The following SEPTIN9 variants were observed in gnomAD, a reference collection of about 807,000 sequenced individuals.
The protein encoded by SEPTIN9 is septin 9, also known as septin-9.
Under a neutral mutation model 56.6 loss-of-function variants are expected in SEPTIN9, and 13 were observed. That is an observed-to-expected ratio of 0.23 (90% CI 0.15 to 0.37). SEPTIN9 has a LOEUF of 0.37. Ranked by LOEUF, SEPTIN9 falls within the 10% of genes least tolerant of loss-of-function variation. The pLI is 1.00. For missense variants in SEPTIN9, 650 were observed against 823.1 expected, an observed-to-expected ratio of 0.79 and a Z score of 2.57; for synonymous variants, 332 against 334.1, an observed-to-expected ratio of 0.99 and a Z score of 0.07.
chr17:77,468,915 G>T (rs1196389946), intron 3 of SEPTIN9, among the ~76,000 whole-genome samples: 2 of 152,214 alleles, frequency 1.3e-5, no homozygotes, highest in African/African-American at 2.4e-5. Context: ...GGCCCCTGGA[G>T]ATCTAGCTGC....
At chr17:77,388,333 T>C (rs2035411142) in intron 2 of SEPTIN9, among the ~76,000 whole-genome samples, 2 of 152,146 alleles carry the variant, frequency 1.3e-5, no homozygotes, top group South Asian at 4.1e-4. Context: ...CCTTCTGGAA[T>C]CTTCTGCGTC....
chr17:77,451,502 A>C lies in SEPTIN9; in HGVS notation c.722-30642A>C, dbSNP rs1229699381. 1.0e-6 allele frequency: 1 copy of C among 985,692 alleles called. No homozygotes were observed. The highest frequency in any genetic ancestry group is 1.2e-6 in the Non-Finnish European group (1 of 830,236). 61.1% of individuals were successfully genotyped at this position (985,692 alleles called of 1,614,324 possible). On this transcript the variant is annotated intron_variant, in intron 3 of 11. Coordinates refer to ENST00000427177, the MANE Select transcript of SEPTIN9 (RefSeq NM_001113491.2). The surrounding 1 kb of genome is among the most constrained non-coding windows in gnomAD (Gnocchi z 4.2). The stretch of plus-strand genomic sequence containing the variant: ...GCGGGCCGCGGCTCTCGGCGCGTCC[A>C]GCGCAGCCCGACGTTCCGCTGCTGG...
intron 1 of SEPTIN9, among the ~76,000 whole-genome samples, chr17:77,289,388 C>T (rs1162627340): frequency 3.3e-5 from 5 of 150,174 alleles, no homozygotes; most frequent in Non-Finnish European, 5.9e-5. Context: ...TGAGCTACCG[C>T]GCCCAGCTTG....
chr17:77,296,568 T>C (rs757805463), intron 1 of SEPTIN9, among the ~76,000 whole-genome samples: 25 of 151,984 alleles, frequency 1.6e-4, no homozygotes, highest in Non-Finnish European at 2.4e-4. Context: ...AGACAGATGA[T>C]AGGTTGGGTT....
rs971771318 is a variant in SEPTIN9, at chr17:77,471,966, C to G, written c.722-10178C>G. 5.3e-5 allele frequency among the ~76,000 whole-genome samples: 8 copies of G among 151,638 alleles called. No individual in the cohort carries two copies. In the South Asian group the frequency reaches 6.2e-4, roughly 12 times the overall value. On this transcript the variant is annotated intron_variant, in intron 3 of 11. Transcript: ENST00000427177. ...GCAGAAAACAGAATATAAAATAGCCCCCCCCACCACACACCGCACCAGAAG... is the reference window on the plus strand; with the variant it reads ...GCAGAAAACAGAATATAAAATAGCCGCCCCCACCACACACCGCACCAGAAG...
chr17:77,466,712 G>T (rs1246093814), intron 3 of SEPTIN9, among the ~76,000 whole-genome samples: 1 of 152,172 alleles, frequency 6.6e-6, no homozygotes, highest in East Asian at 1.9e-4. Context: ...ACATCACAGC[G>T]TTCATAAGAA....
Position 77,475,202 on chromosome 17 carries a change from G to C in SEPTIN9, c.722-6942G>C, listed in dbSNP as rs565976801. The C allele has an allele frequency of 1.8e-5, 22 of 1,219,306 alleles. No homozygotes were observed. Among genetic ancestry groups the C allele is most frequent in the South Asian group, 1.7e-4 (7 of 41,218 alleles). 75.5% of individuals were successfully genotyped at this position (1,219,306 alleles called of 1,614,324 possible). ...GTGTCTGGCTTCACAAACCCTGTGT[G>C]GGGGGGTTGTGGTGAGAGGAAACCG... On this transcript the variant is annotated intron_variant, in intron 3 of 11. Coordinates refer to ENST00000427177, the MANE Select transcript of SEPTIN9 (RefSeq NM_001113491.2). The surrounding 1 kb of genome is among the most constrained non-coding windows in gnomAD (Gnocchi z 4.6).
chr17:77,467,984 G>C (rs1024142938), intron 3 of SEPTIN9, among the ~76,000 whole-genome samples: 1 of 152,206 alleles, frequency 6.6e-6, no homozygotes, highest in East Asian at 1.9e-4. Context: ...GAGGGACCTA[G>C]GCTGGGCGTG....
intron 2 of SEPTIN9, among the ~76,000 whole-genome samples, chr17:77,382,532 T>C (rs2035181780): frequency 1.3e-5 from 2 of 152,164 alleles, no homozygotes; most frequent in African/African-American, 4.8e-5. Flanking sequence ...ATCCAGGCTC[T>C]GCATCTGTCC....
intron 2 of SEPTIN9, among the ~76,000 whole-genome samples, chr17:77,388,589 C>T (rs988042719): frequency 2.0e-5 from 3 of 152,172 alleles, no homozygotes; most frequent in Non-Finnish European, 2.9e-5. Context: ...TCCTCCAAAC[C>T]TCTCCCCTGG....
At chr17:77,307,114 AC>A (rs771462909) in intron 1 of SEPTIN9, 26 bp from the exon 2 acceptor site, 1 of 1,612,300 alleles carries the variant, frequency 6.2e-7, no homozygotes, top group South Asian at 1.1e-5. Context: ...GCCTTGTGTG[AC>A]CTTTGCCCTT....
intron 2 of SEPTIN9, among the ~76,000 whole-genome samples, chr17:77,387,123 A>G (rs2035363965): frequency 2.6e-5 from 4 of 152,188 alleles, no homozygotes; most frequent in Admixed American, 1.3e-4. Context: ...ACAAAGCCCC[A>G]CGAACTTTGG....
chr17:77,495,262 A>C (rs1369940133), intron 10 of SEPTIN9, among the ~76,000 whole-genome samples: 4 of 152,326 alleles, frequency 2.6e-5, no homozygotes, highest in African/African-American at 7.2e-5. Context: ...GGAACCTGTC[A>C]GGACAGTTGT....
At chr17:77,460,018 C>A (rs1434091244) in intron 3 of SEPTIN9, among the ~76,000 whole-genome samples, 1 of 152,030 alleles carries the variant, frequency 6.6e-6, no homozygotes, top group South Asian at 2.1e-4. Context: ...ACTTTGTGAC[C>A]GTGGGGAGGG....
chr17:77,342,655 G>A (rs754850106), intron 2 of SEPTIN9, among the ~76,000 whole-genome samples: 1 of 152,142 alleles, frequency 6.6e-6, no homozygotes, highest in Non-Finnish European at 1.5e-5. Context: ...TCACAAAGGG[G>A]TGACATTGTG....
rs1465263707 is a variant in SEPTIN9, at chr17:77,499,513, G to A, written c.*855G>A. On this transcript the variant is annotated 3_prime_UTR_variant, in exon 12 of 12. Coordinates refer to ENST00000427177, the MANE Select transcript of SEPTIN9 (RefSeq NM_001113491.2). ...AAAGGTCTAAGCAAGTGAGTCTGGT[G>A]GAGGAGCTGAGGGAGGGAGCCATGG... 2 of 471,230 alleles carry A rather than the reference G, an allele frequency of 4.2e-6. No homozygotes were observed. Among genetic ancestry groups the A allele is most frequent in the East Asian group, 4.0e-5 (1 of 25,150 alleles). 29.2% of individuals were successfully genotyped at this position (471,230 alleles called of 1,614,324 possible).
At position 77,499,782 on chromosome 17, in the gene SEPTIN9, C is replaced by G. The variant is rs2040429452; in HGVS notation, c.*1124C>G. ...CTTCCTGGCCCAGGCCTTGCTGACTCTCTGAGCTGGGGAGGTGGGAGGCCA... is the reference window on the plus strand; with the variant it reads ...CTTCCTGGCCCAGGCCTTGCTGACTGTCTGAGCTGGGGAGGTGGGAGGCCA... On this transcript the variant is annotated 3_prime_UTR_variant, in exon 12 of 12. Transcript: ENST00000427177. 2 of 349,372 alleles carry G rather than the reference C, an allele frequency of 5.7e-6. No homozygotes were observed. Among genetic ancestry groups the G allele is most frequent in the South Asian group, 3.7e-5 (1 of 26,994 alleles). The allele number at this position is 349,372 out of a possible 1,614,324, so 21.6% of individuals were successfully genotyped here. A position where few individuals can be genotyped will look rare whatever the true frequency, so the allele number is the denominator to read the frequency against.
intron 3 of SEPTIN9, among the ~76,000 whole-genome samples, chr17:77,423,183 A>T (rs1339135121): frequency 1.3e-5 from 2 of 151,998 alleles, no homozygotes; most frequent in Admixed American, 1.3e-4. Flanking sequence ...CTACAGGCTC[A>T]CACCACCACA....
intron 2 of SEPTIN9, among the ~76,000 whole-genome samples, chr17:77,380,426 C>T (rs2035103124): frequency 6.6e-6 from 1 of 151,852 alleles, no homozygotes; most frequent in African/African-American, 2.4e-5. Context: ...TTCTGAATAT[C>T]CCCCTACAGC....
Sources: gnomAD v4.1 joint callset for allele counts (sites outside exome capture counted in the v4.1 genomes callset) on GRCh38, gnomAD v4.1.1 for gene constraint, Gnocchi (gnomAD v3.1) non-coding constraint, MANE v1.5 for transcripts, NCBI Gene and HGNC (gene_info 2026-07-23, HGNC 2026-07-21) for gene names.